Variants in SYTL5 observed in about 807,000 individuals in gnomAD.
SYTL5 encodes the protein synaptotagmin-like protein 5.
Under a neutral mutation model 55.9 loss-of-function variants are expected in SYTL5, and 34 were observed. The observed-to-expected ratio is 0.61, with a 90% CI of 0.46 to 0.81. The LOEUF (loss-of-function observed/expected upper bound fraction) is 0.81. Ranked by LOEUF, SYTL5 falls within the 30% of genes least tolerant of loss-of-function variation. The pLI is 0.00. For synonymous variants in SYTL5, 221 were observed against 188.7 expected (o/e 1.17, Z -1.40); for missense variants, 637 against 546.7 (o/e 1.17, Z -1.65).
At chrX:37,994,925 C>T in the SYTL5 span, 5 of 111,583 alleles carry the variant, frequency 4.5e-5, no homozygotes, top group African/African-American at 1.6e-4. Flanking sequence ...CCTGACTCGT[C>T]TCCGTTTCCG....
chrX:38,019,653 A>G (rs1483591002), intron 1 of SYTL5, among the ~76,000 whole-genome samples: 1 of 111,305 alleles, frequency 9.0e-6, no homozygotes, highest in South Asian at 3.8e-4. Context: ...TGTTTGAGAC[A>G]AAGTCTCACT....
intron 6 of SYTL5, among the ~76,000 whole-genome samples, chrX:38,078,512 G>A (rs1292914436): frequency 4.5e-5 from 5 of 110,543 alleles, no homozygotes; most frequent in South Asian, 3.9e-4. Context: ...CACCCGCCTC[G>A]GCCTCCCAAA....
the SYTL5 span, among the ~76,000 whole-genome samples, chrX:37,912,032 A>G: frequency 3.6e-5 from 4 of 111,928 alleles, no homozygotes; most frequent in East Asian, 1.1e-3. Context: ...TGCCCCATTT[A>G]CTCTGGGCCT....
At chrX:38,100,692 G>T (rs895890811) in intron 9 of SYTL5, among the ~76,000 whole-genome samples, 9 of 111,067 alleles carry the variant, frequency 8.1e-5, no homozygotes, top group African/African-American at 2.9e-4. Flanking sequence ...ATATACTACT[G>T]GTTAGACTGT....
intron 7 of SYTL5, among the ~76,000 whole-genome samples, chrX:38,092,595 G>A (rs913542231): frequency 3.6e-5 from 4 of 111,246 alleles, no homozygotes; most frequent in Non-Finnish European, 3.8e-5. Flanking sequence ...TCTTTCGTGT[G>A]CTTTGTTCTA....
At chrX:38,096,284 T>TA in intron 9 of SYTL5, 50 bp downstream of exon 9, 23 of 771,914 alleles carry the variant, frequency 3.0e-5, no homozygotes, top group African/African-American at 2.2e-4. Context: ...AATAAGGGCA[T>TA]AATCTTGCTC....
At chrX:37,983,484 C>T in the SYTL5 span, among the ~76,000 whole-genome samples, 5 of 112,094 alleles carry the variant, frequency 4.5e-5, no homozygotes, top group African/African-American at 9.7e-5. Context: ...GAAGATATAA[C>T]GATAATGATC....
intron 6 of SYTL5, among the ~76,000 whole-genome samples, chrX:38,084,976 C>T (rs768954469): frequency 1.8e-5 from 2 of 110,991 alleles, no homozygotes; most frequent in Non-Finnish European, 3.8e-5. Context: ...TCTAAGCACA[C>T]GGGTATATAG....
chrX:37,990,962 C>T, the SYTL5 span: 5 of 1,210,182 alleles, frequency 4.1e-6, no homozygotes, highest in African/African-American at 3.5e-5. Context: ...ATGAACGAGA[C>T]GTCCAAAGCC....
intron 1 of SYTL5, among the ~76,000 whole-genome samples, chrX:38,020,547 C>T (rs1333610271): frequency 5.8e-5 from 6 of 104,135 alleles, no homozygotes; most frequent in African/African-American, 2.1e-4. Flanking sequence ...CATGCCATCA[C>T]ATATAAAAAG....
At chrX:38,017,923 G>A (rs1244753820) in intron 1 of SYTL5, among the ~76,000 whole-genome samples, 2 of 109,551 alleles carry the variant, frequency 1.8e-5, no homozygotes, top group South Asian at 4.1e-4. Flanking sequence ...TCCAGGTGCC[G>A]GCGGTGATTA....
At chrX:37,947,483 C>T in the SYTL5 span, among the ~76,000 whole-genome samples, 1 of 111,884 alleles carries the variant, frequency 8.9e-6, no homozygotes, top group East Asian at 2.8e-4. Context: ...TTCCCCTTCA[C>T]CCTCTGCCAT....
intron 2 of SYTL5, among the ~76,000 whole-genome samples, chrX:38,043,615 C>A (rs1935351041): frequency 1.1e-5 from 1 of 91,284 alleles, no homozygotes; most frequent in South Asian, 5.3e-4. Context: ...AAATAGTCTC[C>A]ATTTGTGTTG....
intron 14 of SYTL5, 31 bp downstream of exon 14, chrX:38,120,497 G>A (rs1602417565): frequency 1.9e-6 from 2 of 1,078,581 alleles, no homozygotes; most frequent in Non-Finnish European, 1.3e-6. Flanking sequence ...TTTGATCAAT[G>A]ACATTCTGTT....
At chrX:37,925,096 C>G in the SYTL5 span, among the ~76,000 whole-genome samples, 2 of 111,231 alleles carry the variant, frequency 1.8e-5, no homozygotes, top group Admixed American at 1.9e-4. Flanking sequence ...TTATAGTTCC[C>G]ATATATGTGT....
At chrX:38,030,675 A>T (rs1289896087) in intron 1 of SYTL5, among the ~76,000 whole-genome samples, 1 of 111,848 alleles carries the variant, frequency 8.9e-6, no homozygotes, top group Non-Finnish European at 1.9e-5. Flanking sequence ...CAGATATCAA[A>T]CTAGAAAAGA....
the SYTL5 span, among the ~76,000 whole-genome samples, chrX:37,926,879 A>G: frequency 8.9e-6 from 1 of 112,016 alleles, no homozygotes; most frequent in Admixed American, 9.4e-5. Flanking sequence ...TTGCTCTGTC[A>G]TATTTTCACC....
At chrX:38,023,390 A>G (rs1934630638) in intron 1 of SYTL5, among the ~76,000 whole-genome samples, 1 of 112,158 alleles carries the variant, frequency 8.9e-6, no homozygotes, top group African/African-American at 3.2e-5. Context: ...ATCCAAAATA[A>G]TAAACAATAT....
intron 3 of SYTL5, among the ~76,000 whole-genome samples, chrX:38,058,122 T>C (rs1411386526): frequency 9.0e-6 from 1 of 111,438 alleles, no homozygotes; most frequent in East Asian, 2.8e-4. Flanking sequence ...GAAACTTATT[T>C]TGTGTGCATA....
Sources: allele counts gnomAD v4.1 joint callset (sites outside exome capture counted in the v4.1 genomes callset), GRCh38; gene constraint gnomAD v4.1.1; transcripts MANE v1.5; gene names NCBI Gene and HGNC (gene_info 2026-07-23, HGNC 2026-07-21).